Variants in CRAMP1 observed in about 807,000 individuals in gnomAD.
The protein encoded by CRAMP1 is protein cramped-like.
A neutral mutation model predicts 115.4 loss-of-function variants in CRAMP1; 50 were observed. The observed-to-expected ratio is 0.43, with a 90% CI of 0.35 to 0.55. CRAMP1 has a LOEUF of 0.55. Among genes scored for constraint, CRAMP1 ranks in the 20% least tolerant of loss-of-function variants. The probability of loss-of-function intolerance (pLI) is 0.01; values close to 1 mark genes in which losing one functional copy is unlikely to be tolerated. For missense variants in CRAMP1, 1,679 were observed against 1,721.7 expected (o/e 0.98, Z 0.44); for synonymous variants, 866 against 745.4 (o/e 1.16, Z -2.64).
Position 1,666,363 on chromosome 16 carries a change from TG to T in CRAMP1, c.2858-56del. ...GGAGAAGCTGTTCCCCGAGCCCTCT[TG>T]GGACATCTTATGGGTTGTCAGTAGA... On this transcript the variant is annotated intron_variant, in intron 15 of 20. Coordinates refer to ENST00000397412, the MANE Select transcript of CRAMP1 (RefSeq NM_020825.4). The surrounding 1 kb of genome is among the most constrained non-coding windows in gnomAD (Gnocchi z 5.0). 5 of 1,521,706 alleles carry T rather than the reference TG, an allele frequency of 3.3e-6. No individual in the cohort carries two copies. The highest frequency in any genetic ancestry group is 4.5e-6 in the Non-Finnish European group (5 of 1,114,316). 94.3% of individuals were successfully genotyped at this position (1,521,706 alleles called of 1,614,324 possible).
chr16:1,637,697 A>G, intron 4 of CRAMP1, 127 bp from the exon 5 acceptor site: 1 of 444,724 alleles, frequency 2.2e-6, no homozygotes, highest in Non-Finnish European at 4.0e-6. Context: ...TGTGGTTGAC[A>G]GCTTGCATGA....
intron 20 of CRAMP1, 59 bp from the exon 21 acceptor site, chr16:1,673,822 C>T: frequency 1.9e-6 from 3 of 1,558,262 alleles, no homozygotes; most frequent in Non-Finnish European, 2.6e-6. Flanking sequence ...AGGACCCGCC[C>T]TCCACTGAAG....
chr16:1,673,371 A>G (rs554513412), intron 20 of CRAMP1, among the ~76,000 whole-genome samples: 1 of 148,686 alleles, frequency 6.7e-6, no homozygotes, highest in African/African-American at 2.5e-5. Flanking sequence ...ACCTGTCCTC[A>G]TGTCTATGAT....
chr16:1,644,577 G>C (rs1409623226), intron 6 of CRAMP1, among the ~76,000 whole-genome samples: 1 of 152,208 alleles, frequency 6.6e-6, no homozygotes, highest in Non-Finnish European at 1.5e-5. Flanking sequence ...GAACCTGCCT[G>C]GGGCGTTTAG....
In CRAMP1 at chr16:1,672,321, A is replaced by G. The variant is rs2036929312; in HGVS notation, c.3645+1512A>G. Among the ~76,000 whole-genome samples, 1 of 152,302 alleles carries G rather than the reference A, an allele frequency of 6.6e-6. No individual in the cohort carries two copies. The highest frequency in any genetic ancestry group is 2.4e-5 in the African/African-American group (1 of 41,552). On this transcript the variant is annotated intron_variant, in intron 20 of 20. Transcript: ENST00000397412. The surrounding 1 kb of genome is among the most constrained non-coding windows in gnomAD (Gnocchi z 4.9). Reference sequence around the variant, plus strand: ...TGCAAACGTGTTCACCTTCAGAAAGAGCAGATCAGCGTTTAGCATGAGATT... The same window carrying G: ...TGCAAACGTGTTCACCTTCAGAAAGGGCAGATCAGCGTTTAGCATGAGATT...
At chr16:1,643,431 C>T (rs2036648728) in intron 6 of CRAMP1, among the ~76,000 whole-genome samples, 1 of 152,090 alleles carries the variant, frequency 6.6e-6, no homozygotes, top group Non-Finnish European at 1.5e-5. Context: ...ATCCCAGCTA[C>T]TTGGGAGGCT....
chr16:1,620,278 T>G (rs991642122), intron 2 of CRAMP1, among the ~76,000 whole-genome samples: 1 of 152,200 alleles, frequency 6.6e-6, no homozygotes, highest in Non-Finnish European at 1.5e-5. Flanking sequence ...CTTGGCCTCC[T>G]GGGAAGGGTC....
intron 8 of CRAMP1, among the ~76,000 whole-genome samples, chr16:1,654,009 G>C (rs1201597371): frequency 6.7e-6 from 1 of 150,108 alleles, no homozygotes; most frequent in African/African-American, 2.4e-5. Context: ...CGGGCGTGGT[G>C]GTGGGTGCTT....
At chr16:1,665,372 G>A (rs943689100) in intron 14 of CRAMP1, among the ~76,000 whole-genome samples, 1 of 152,232 alleles carries the variant, frequency 6.6e-6, no homozygotes, top group Non-Finnish European at 1.5e-5. Context: ...TGTGGCCTCA[G>A]ATGGCCCTGT....
At chr16:1,632,514 G>C in intron 4 of CRAMP1, 149 bp downstream of exon 4, 1 of 810,652 alleles carries the variant, frequency 1.2e-6, no homozygotes. Context: ...GCAGCGCTTT[G>C]GCTGATTGTG....
At chr16:1,653,644 G>T (rs1411780822) in intron 8 of CRAMP1, among the ~76,000 whole-genome samples, 1 of 147,528 alleles carries the variant, frequency 6.8e-6, no homozygotes, top group Non-Finnish European at 1.5e-5. Context: ...TCTGGCTAAC[G>T]CCGTGAAACC....
At chr16:1,655,733 G>C in intron 9 of CRAMP1, 144 bp from the exon 10 acceptor site, 1 of 836,906 alleles carries the variant, frequency 1.2e-6, no homozygotes, top group Non-Finnish European at 1.9e-6. Context: ...TTGGGTAGTG[G>C]TGTGAGGAAA....
At chr16:1,659,793 T>G (rs995675893) in intron 10 of CRAMP1, 93 bp from the exon 11 acceptor site, 4 of 1,207,000 alleles carry the variant, frequency 3.3e-6, no homozygotes, top group South Asian at 1.2e-5. Context: ...CTTTCTGAGC[T>G]CGATGATTTT....
intron 18 of CRAMP1, among the ~76,000 whole-genome samples, chr16:1,668,421 G>A (rs527589388): frequency 1.6e-4 from 24 of 152,358 alleles, no homozygotes; most frequent in African/African-American, 3.4e-4. Flanking sequence ...ACCTTCAGGC[G>A]AGACAGTGGA....
intron 6 of CRAMP1, 92 bp downstream of exon 6, chr16:1,641,279 C>A: frequency 1.1e-6 from 1 of 943,782 alleles, no homozygotes; most frequent in Non-Finnish European, 1.7e-6. Flanking sequence ...TCAGTGAGGA[C>A]CTTCCGAGTT....
intron 13 of CRAMP1, among the ~76,000 whole-genome samples, chr16:1,664,220 A>G (rs1191995633): frequency 1.3e-5 from 2 of 152,210 alleles, no homozygotes; most frequent in Admixed American, 1.3e-4. Flanking sequence ...TCAGTGATGA[A>G]CACGGTTTCT....
chr16:1,659,644 C>T (rs1462680104), intron 10 of CRAMP1, among the ~76,000 whole-genome samples: 1 of 152,212 alleles, frequency 6.6e-6, no homozygotes, highest in Non-Finnish European at 1.5e-5. Context: ...GTCTCGGCCT[C>T]CCAAAGTGCT....
At chr16:1,620,208 C>T (rs186639803) in intron 2 of CRAMP1, among the ~76,000 whole-genome samples, 1 of 152,290 alleles carries the variant, frequency 6.6e-6, no homozygotes, top group East Asian at 1.9e-4. Context: ...AGGAGAGGCA[C>T]GGAATGCCTC....
chr16:1,663,086 A>G (rs936412317), intron 13 of CRAMP1, among the ~76,000 whole-genome samples: 1 of 152,238 alleles, frequency 6.6e-6, no homozygotes. Context: ...AGTCCAAAGA[A>G]TGTCCCAGAT....
Sources: allele counts gnomAD v4.1 joint callset (sites outside exome capture counted in the v4.1 genomes callset), GRCh38; gene constraint gnomAD v4.1.1; non-coding constraint Gnocchi (gnomAD v3.1); transcripts MANE v1.5; gene names NCBI Gene and HGNC (gene_info 2026-07-23, HGNC 2026-07-21).